The following LRMDA variants were observed in gnomAD, a reference collection of about 807,000 sequenced individuals.
LRMDA encodes leucine-rich melanocyte differentiation-associated protein.
Under a neutral mutation model 29.8 loss-of-function variants are expected in LRMDA, and 18 were observed. The observed-to-expected ratio is 0.60, with a 90% CI of 0.42 to 0.90. The LOEUF (loss-of-function observed/expected upper bound fraction) is 0.90, where lower values mean the gene tolerates loss of function less well. Ranked by LOEUF, LRMDA falls within the 40% of genes least tolerant of loss-of-function variation. The pLI is 0.00. For missense variants in LRMDA, 273 were observed against 273.9 expected (o/e 1.00, Z 0.02); for synonymous variants, 125 against 109.4 (o/e 1.14, Z -0.89).
chr10:75,642,597 A>G (rs1371940733), intron 2 of LRMDA: 2 of 152,176 alleles, frequency 1.3e-5, no homozygotes, highest in African/African-American at 4.8e-5. Context: ...AGGTTTTCCC[A>G]GTCTGAAGGG....
chr10:75,669,366 C>A (rs1435609445), intron 2 of LRMDA, among the ~76,000 whole-genome samples: 3 of 152,088 alleles, frequency 2.0e-5, no homozygotes, highest in Non-Finnish European at 2.9e-5. Context: ...CTTGATGAAG[C>A]CTGTTTTAAT....
chr10:76,177,957 C>T (rs986435923), intron 5 of LRMDA, among the ~76,000 whole-genome samples: 3 of 152,214 alleles, frequency 2.0e-5, no homozygotes, highest in Non-Finnish European at 4.4e-5. Context: ...ATTGGCATTC[C>T]ACTACCTTTG....
chr10:75,724,119 G>A (rs957674137), intron 2 of LRMDA, among the ~76,000 whole-genome samples: 1 of 152,132 alleles, frequency 6.6e-6, no homozygotes, highest in Non-Finnish European at 1.5e-5. Context: ...TAGGGTACAG[G>A]ACTTATGACA....
intron 2 of LRMDA, among the ~76,000 whole-genome samples, chr10:75,932,969 C>A (rs1329093173): frequency 6.6e-6 from 1 of 152,174 alleles, no homozygotes; most frequent in Non-Finnish European, 1.5e-5. Flanking sequence ...AAGCCTTAGT[C>A]AAGAATCAGT....
At chr10:76,516,455 TTTAGCA>T (rs1178695769) in intron 6 of LRMDA, among the ~76,000 whole-genome samples, 2 of 152,170 alleles carry the variant, frequency 1.3e-5, no homozygotes, top group Non-Finnish European at 2.9e-5. Flanking sequence ...TAACTCGTCA[TTTAGCA>T]TTAGGTATAT....
chr10:76,384,258 T>C (rs1176202256), intron 6 of LRMDA, among the ~76,000 whole-genome samples: 4 of 152,254 alleles, frequency 2.6e-5, no homozygotes, highest in South Asian at 2.1e-4. Flanking sequence ...TTCACTCTTA[T>C]ACATTTATCT....
chr10:75,767,595 A>G (rs1035241764), intron 2 of LRMDA, among the ~76,000 whole-genome samples: 2 of 152,164 alleles, frequency 1.3e-5, no homozygotes, highest in Non-Finnish European at 2.9e-5. Context: ...TTCATCTGCT[A>G]ATGTAAATTA....
intron 2 of LRMDA, among the ~76,000 whole-genome samples, chr10:75,973,594 A>G (rs1847018787): frequency 6.6e-6 from 1 of 151,838 alleles, no homozygotes; most frequent in Admixed American, 6.6e-5. Context: ...AATTTTTTGT[A>G]TTTTTAATAG....
chr10:76,455,172 A>G (rs1842444766), intron 6 of LRMDA, among the ~76,000 whole-genome samples: 1 of 152,250 alleles, frequency 6.6e-6, no homozygotes, highest in Admixed American at 6.5e-5. Flanking sequence ...TTGGATCAAC[A>G]TCTATGGCCA....
intron 2 of LRMDA, among the ~76,000 whole-genome samples, chr10:75,611,118 C>T (rs1282604743): frequency 6.6e-6 from 1 of 152,066 alleles, no homozygotes; most frequent in East Asian, 1.9e-4. Flanking sequence ...GGGGCAAGGA[C>T]CCCTAGAGAG....
intron 2 of LRMDA, among the ~76,000 whole-genome samples, chr10:75,644,077 G>T (rs1480984861): frequency 6.6e-6 from 1 of 152,202 alleles, no homozygotes; most frequent in Non-Finnish European, 1.5e-5. Context: ...GTAAGCTGGA[G>T]ATCTGGGAGG....
At chr10:76,177,972 C>G (rs1254174117) in intron 5 of LRMDA, among the ~76,000 whole-genome samples, 3 of 152,198 alleles carry the variant, frequency 2.0e-5, no homozygotes, top group Non-Finnish European at 2.9e-5. Flanking sequence ...CCTTTGCTCC[C>G]CCATGCTGCT....
At chr10:76,144,384 G>T (rs1850268937) in intron 5 of LRMDA, among the ~76,000 whole-genome samples, 1 of 152,078 alleles carries the variant, frequency 6.6e-6, no homozygotes, top group African/African-American at 2.4e-5. Flanking sequence ...GTGGTTTGTA[G>T]TTCTCCTTGA....
At chr10:75,595,629 G>A (rs556933020) in intron 2 of LRMDA, among the ~76,000 whole-genome samples, 1 of 149,278 alleles carries the variant, frequency 6.7e-6, no homozygotes, top group Non-Finnish European at 1.5e-5. Flanking sequence ...AGTGATAAGT[G>A]GTGTTATCAC....
At chr10:76,016,701 T>C (rs990898027) in intron 2 of LRMDA, among the ~76,000 whole-genome samples, 1 of 152,258 alleles carries the variant, frequency 6.6e-6, no homozygotes, top group African/African-American at 2.4e-5. Flanking sequence ...GAACTTCAGA[T>C]AAATAGTGTG....
chr10:75,924,853 C>T (rs1391563391), intron 2 of LRMDA, among the ~76,000 whole-genome samples: 3 of 152,108 alleles, frequency 2.0e-5, no homozygotes, highest in African/African-American at 7.2e-5. Flanking sequence ...TATTTTCCCC[C>T]TTTTCTCAAG....
rs1196704130 is a variant in LRMDA at position 75,750,493 on chromosome 10, G to C, written c.132-285515G>C. ...ACATCCCAGACGGGGCGGGGGGTGGGGGGCAGAGGGGGTCCTCACATCCCA... is the reference window on the plus strand; with the variant it reads ...ACATCCCAGACGGGGCGGGGGGTGGCGGGCAGAGGGGGTCCTCACATCCCA... On this transcript the variant is annotated intron_variant, in intron 2 of 6. Transcript: ENST00000611255. 5.1e-4 allele frequency among the ~76,000 whole-genome samples: 73 copies of C among 142,164 alleles called. 1 individual carries two copies. The highest frequency in any genetic ancestry group is 1.8e-3 in the African/African-American group (69 of 37,334). 93.3% of individuals were successfully genotyped at this position (142,164 alleles called of 152,430 possible). A position where few individuals can be genotyped will look rare whatever the true frequency, so the allele number is the denominator to read the frequency against.
intron 6 of LRMDA, among the ~76,000 whole-genome samples, chr10:76,423,564 AT>A (rs2132523296): frequency 6.6e-6 from 1 of 152,298 alleles, no homozygotes; most frequent in South Asian, 2.1e-4. Flanking sequence ...TCATGTGATT[AT>A]TGATTAATTG....
chr10:76,126,303 T>C (rs1339757089), intron 5 of LRMDA, among the ~76,000 whole-genome samples: 1 of 152,226 alleles, frequency 6.6e-6, no homozygotes, highest in Non-Finnish European at 1.5e-5. Context: ...GTAATGACTT[T>C]GGCTTTTTGT....
Sources: gnomAD v4.1 joint callset for allele counts (sites outside exome capture counted in the v4.1 genomes callset) on GRCh38, gnomAD v4.1.1 for gene constraint, MANE v1.5 for transcripts, NCBI Gene and HGNC (gene_info 2026-07-23, HGNC 2026-07-21) for gene names.